GLIPR1L2: variants seen among roughly 807,000 people sequenced by gnomAD.
GLIPR1L2 encodes GLIPR1-like protein 2.
In GLIPR1L2, 21 loss-of-function variants were observed where a neutral mutation model predicts 28.4. The ratio of observed to expected loss-of-function variants is 0.74; its 90% CI spans 0.52 to 1.06. The LOEUF is 1.06. Among genes scored for constraint, GLIPR1L2 ranks in the 50% least tolerant of loss-of-function variants. GLIPR1L2 has a pLI of 0.00. For synonymous variants in GLIPR1L2, 145 were observed against 139.3 expected, an observed-to-expected ratio of 1.04 and a Z score of -0.29; for missense variants, 476 against 416.9, an observed-to-expected ratio of 1.14 and a Z score of -1.23.
At chr12:75,403,732 CA>C (rs911363361) in intron 1 of GLIPR1L2, among the ~76,000 whole-genome samples, 27 of 152,160 alleles carry the variant, frequency 1.8e-4, no homozygotes, top group African/African-American at 6.0e-4. Flanking sequence ...TGTCCACCTT[CA>C]ACCCCCTACC....
intron 1 of GLIPR1L2, among the ~76,000 whole-genome samples, chr12:75,405,822 G>A (rs996752888): frequency 2.6e-5 from 4 of 151,980 alleles, no homozygotes; most frequent in African/African-American, 9.7e-5. Context: ...TATGTTGCAT[G>A]GTCAAAGCTG....
chr12:75,400,489 G>A (rs141791697), intron 1 of GLIPR1L2, among the ~76,000 whole-genome samples: 410 of 152,154 alleles, frequency 2.7e-3, no homozygotes, highest in Non-Finnish European at 4.9e-3. Flanking sequence ...ATTATGATAC[G>A]TTTTGTATAC....
At position 75,413,670 on chromosome 12, in the gene GLIPR1L2, G is replaced by A; in HGVS notation, c.553G>A (p.Ala185Thr). The change falls in exon 3 of 6, where the codon GCA (alanine) becomes ACA (threonine). Residue 185 changes from alanine to threonine, a missense_variant. Physicochemically the swap from Ala to Thr is moderately conservative, Grantham distance 58 (BLOSUM62 0). Coordinates refer to ENST00000550916, the MANE Select transcript of GLIPR1L2 (RefSeq NM_001270396.2). Reference protein sequence around the residue: ...PCSKIGHIIHAAIFICNYAPG... With the variant: ...PCSKIGHIIHTAIFICNYAPG... ...TTCAAAAATTGGACATATTATACAT[G>A]CAGCAATTTTCATATGCAACTATGC... 6.5e-7 allele frequency: 1 copy of A among 1,536,302 alleles called. No homozygotes were observed. Among genetic ancestry groups the A allele is most frequent in the Non-Finnish European group, 8.8e-7 (1 of 1,142,308 alleles).
At chr12:75,413,974 T>G (rs1472644776) in intron 3 of GLIPR1L2, among the ~76,000 whole-genome samples, 1 of 152,056 alleles carries the variant, frequency 6.6e-6, no homozygotes, top group East Asian at 1.9e-4. Flanking sequence ...CAAATTATTT[T>G]CCAAAATAGT....
rs2045575434 is a variant in GLIPR1L2 at position 75,391,122 on chromosome 12, G to T, written c.6G>T (p.Glu2Asp). The change falls in exon 1 of 6, where the codon GAG becomes GAT. Residue 2 changes from glutamate (E) to aspartate (D), a missense_variant. Coordinates refer to ENST00000550916, the MANE Select transcript of GLIPR1L2 (RefSeq NM_001270396.2). The stretch of plus-strand genomic sequence containing the variant: ...CTGTCAGCGGCCGGTGGACCATGGA[G>T]GCCGCAAGGCCCTTCGCCCGGGAGT... M[E>D]AARPFAREWR... 2 of 1,612,322 alleles carry T rather than the reference G, an allele frequency of 1.2e-6. No homozygotes were observed. The highest frequency in any genetic ancestry group is 1.7e-6 in the Non-Finnish European group (2 of 1,179,210).
In GLIPR1L2 at chr12:75,432,497, A is replaced by G. The variant is rs1003071196; in HGVS notation, c.*1336A>G. On this transcript the variant is annotated 3_prime_UTR_variant, in exon 6 of 6. Transcript: ENST00000550916. ...ATAGAATATTGTGTTCTAAAGCTAT[A>G]TTTCTCAATGTGTGGTTCCACTGAG... The G allele has an allele frequency of 4.0e-5, 6 of 151,168 alleles. No homozygotes were observed. Among genetic ancestry groups the G allele is most frequent in the African/African-American group, 9.7e-5 (4 of 41,184 alleles). The allele number at this position is 151,168 out of a possible 1,614,324, so 9.4% of individuals were successfully genotyped here.
rs376882135 is a variant in GLIPR1L2, at chr12:75,423,076, T to C, written c.670+87T>C. The C allele has an allele frequency of 2.5e-6, 4 of 1,600,240 alleles. No homozygotes were observed. The highest frequency in any genetic ancestry group is 3.5e-5 in the Admixed American group (2 of 56,924). ...ATTGAACACTAGTTTTTTATGGTCATGTTAATATTATTCCTTTGATCAGAA... is the reference window on the plus strand; with the variant it reads ...ATTGAACACTAGTTTTTTATGGTCACGTTAATATTATTCCTTTGATCAGAA... On this transcript the variant is annotated intron_variant, in intron 4 of 5. Transcript: ENST00000550916.
At chr12:75,414,389 C>T (rs1346822517) in intron 3 of GLIPR1L2, among the ~76,000 whole-genome samples, 1 of 151,924 alleles carries the variant, frequency 6.6e-6, no homozygotes, top group Non-Finnish European at 1.5e-5. Context: ...GAATTAACAT[C>T]TTAAATAAAC....
At chr12:75,427,946 A>G (rs1044851740) in intron 4 of GLIPR1L2, among the ~76,000 whole-genome samples, 3 of 152,212 alleles carry the variant, frequency 2.0e-5, no homozygotes, top group African/African-American at 7.2e-5. Flanking sequence ...ATCCAGTCTC[A>G]GGTAGTTCTT....
At position 75,410,475 on chromosome 12, in the gene GLIPR1L2, A is replaced by G. The variant is rs765583629; in HGVS notation, c.276A>G (p.Gly92=). ...TATCACGGACTGCTAGAGCATGGGG[A>G]AAAAAATGTTTGTTTACGCATAATA... ...VALSRTARAW[G]KKCLFTHNIY... The change falls in exon 2 of 6, where the codon GGA becomes GGG. Residue 92 remains glycine (G), a synonymous_variant. Transcript: ENST00000550916. 3 of 1,607,568 alleles carry G rather than the reference A, an allele frequency of 1.9e-6. No homozygotes were observed. In the South Asian group the frequency reaches 3.3e-5, roughly 18 times the overall value.
At chr12:75,415,003 A>T (rs1450592697) in intron 3 of GLIPR1L2, among the ~76,000 whole-genome samples, 1 of 152,132 alleles carries the variant, frequency 6.6e-6, no homozygotes, top group Non-Finnish European at 1.5e-5. Context: ...TCTAGAAGAC[A>T]GATAGGGTAG....
chr12:75,408,830 A>G (rs1201960667), intron 1 of GLIPR1L2, among the ~76,000 whole-genome samples: 1 of 152,088 alleles, frequency 6.6e-6, no homozygotes, highest in Non-Finnish European at 1.5e-5. Flanking sequence ...AAAACAGCCA[A>G]ACTTATAGTT....
At chr12:75,425,720 G>A (rs1382432161) in intron 4 of GLIPR1L2, among the ~76,000 whole-genome samples, 5 of 152,198 alleles carry the variant, frequency 3.3e-5, no homozygotes, top group Non-Finnish European at 5.9e-5. Context: ...TCTAAGCAGA[G>A]TGAGGAGGGC....
chr12:75,428,902 T>G (rs1415218681), intron 4 of GLIPR1L2, among the ~76,000 whole-genome samples: 1 of 152,084 alleles, frequency 6.6e-6, no homozygotes, highest in Non-Finnish European at 1.5e-5. Context: ...ATGACAAGAG[T>G]TGAGCTTTGG....
chr12:75,405,137 T>C (rs1594008282), intron 1 of GLIPR1L2, among the ~76,000 whole-genome samples: 2 of 152,192 alleles, frequency 1.3e-5, no homozygotes, highest in East Asian at 1.9e-4. Context: ...ACAAACACTT[T>C]GTATGAAAAG....
intron 2 of GLIPR1L2, 47 bp downstream of exon 2, chr12:75,410,726 T>A: frequency 7.4e-7 from 1 of 1,357,616 alleles, no homozygotes; most frequent in East Asian, 2.4e-5. Flanking sequence ...TCTTAATTGA[T>A]TTATGCCTGG....
At chr12:75,394,085 T>G (rs2045658075) in intron 1 of GLIPR1L2, among the ~76,000 whole-genome samples, 1 of 152,098 alleles carries the variant, frequency 6.6e-6, no homozygotes, top group African/African-American at 2.4e-5. Context: ...TCTATTCAAG[T>G]CGTTTGCACA....
rs1459441207 is a variant in GLIPR1L2 at position 75,432,520 on chromosome 12, G to T, written c.*1359G>T. On this transcript the variant is annotated 3_prime_UTR_variant, in exon 6 of 6. Coordinates refer to ENST00000550916, the MANE Select transcript of GLIPR1L2 (RefSeq NM_001270396.2). ...ATATTTCTCAATGTGTGGTTCCACT[G>T]AGGGAAAGAAAAAAAAAAAAACCTA... The T allele has an allele frequency of 7.5e-6, 1 of 133,144 alleles. No individual in the cohort carries two copies. Among genetic ancestry groups the T allele is most frequent in the Non-Finnish European group, 1.7e-5 (1 of 58,884 alleles). The allele number at this position is 133,144 out of a possible 1,614,324, so 8.2% of individuals were successfully genotyped here.
intron 2 of GLIPR1L2, among the ~76,000 whole-genome samples, chr12:75,411,774 A>G (rs1304236174): frequency 6.6e-6 from 1 of 151,966 alleles, no homozygotes; most frequent in East Asian, 1.9e-4. Flanking sequence ...TTCTTTAAGA[A>G]TCACACTTTT....
Sources: gnomAD v4.1 joint callset for allele counts (sites outside exome capture counted in the v4.1 genomes callset) on GRCh38, gnomAD v4.1.1 for gene constraint, MANE v1.5 for transcripts, NCBI Gene and HGNC (gene_info 2026-07-23, HGNC 2026-07-21) for gene names.